Variants in NLRP12 observed in about 807,000 individuals in gnomAD.
NLRP12 encodes the protein NACHT, LRR and PYD domains-containing protein 12.
Under a neutral mutation model 91.2 loss-of-function variants are expected in NLRP12, and 108 were observed. The observed-to-expected ratio is 1.18, with a 90% CI of 1.01 to 1.39. NLRP12 has a LOEUF of 1.39. Ranked by LOEUF, NLRP12 falls within the 40% of genes most tolerant of loss-of-function variation. The probability of loss-of-function intolerance (pLI) is 0.00; values close to 1 mark genes in which losing one functional copy is unlikely to be tolerated. For missense variants in NLRP12, 1,530 were observed against 1,352.7 expected (o/e 1.13, Z -2.06); for synonymous variants, 613 against 566.7 (o/e 1.08, Z -1.16).
At position 53,804,050 on chromosome 19, in the gene NLRP12, C is replaced by A; in HGVS notation, c.2487G>T (p.Leu829=). The A allele has an allele frequency of 6.2e-7, 1 of 1,613,992 alleles. No homozygotes were observed. Among genetic ancestry groups the A allele is most frequent in the Non-Finnish European group, 8.5e-7 (1 of 1,179,902 alleles). ...MASVLGTNPH[L]VELDLTGNAL... ...CATTTCCTGTCAGGTCCAACTCAACCAGATGTGGGTTGGTGCCGAGCACAG... is the reference window on the plus strand; with the variant it reads ...CATTTCCTGTCAGGTCCAACTCAACAAGATGTGGGTTGGTGCCGAGCACAG... Residue 829 remains leucine, a synonymous_variant, in exon 6 of 10, where the codon CTG becomes CTT. Transcript: ENST00000324134.
intron 2 of NLRP12, among the ~76,000 whole-genome samples, chr19:53,813,281 C>CTT (rs34880938): frequency 9.0e-6 from 1 of 111,580 alleles, no homozygotes; most frequent in Admixed American, 9.5e-5. Flanking sequence ...AACTGCTATT[C>CTT]TTTTTTTTTT....
chr19:53,804,717 T>C (rs2091929787), intron 5 of NLRP12, among the ~76,000 whole-genome samples: 1 of 149,268 alleles, frequency 6.7e-6, no homozygotes. Context: ...GGCCCATACC[T>C]GGCTAATTAA....
In NLRP12 at chr19:53,809,844, GGTGGAGCC is replaced by G. The variant is rs775762941; in HGVS notation, c.1807_1814del (p.Gly603ProfsTer98). 6.2e-6 allele frequency: 10 copies of G among 1,614,120 alleles called. No homozygotes were observed. Among genetic ancestry groups the G allele is most frequent in the Admixed American group, 3.3e-5 (2 of 60,008 alleles). On this transcript the variant is annotated frameshift_variant, in exon 3 of 10. Transcript: ENST00000324134. LOFTEE classifies it high-confidence loss of function. ...AGAACTCCAAGGAGCCCTGCTGCAG[GGTGGAGCC>G]GTCGCTCTGAGCTTTGCTTTGGATC... is the stretch of plus-strand genomic sequence containing the variant.
Position 53,803,941 on chromosome 19 carries a change from G to A in NLRP12, c.2585+11C>T, listed in dbSNP as rs555742817. ...GCCATTTTATTATAGTTGACCCCAG[G>A]AAGAACTCACCACAAAGTCCGTAGT... On this transcript the variant is annotated intron_variant, in intron 6 of 9. Coordinates refer to ENST00000324134, the MANE Select transcript of NLRP12 (RefSeq NM_144687.4). 3.1e-6 allele frequency: 5 copies of A among 1,613,126 alleles called. No individual in the cohort carries two copies. Among genetic ancestry groups the A allele is most frequent in the African/African-American group, 1.3e-5 (1 of 74,984 alleles).
At chr19:53,799,218 G>GCCAGGATGGTCT (rs1436509424) in intron 7 of NLRP12, among the ~76,000 whole-genome samples, 4 of 150,402 alleles carry the variant, frequency 2.7e-5, no homozygotes, top group African/African-American at 9.8e-5. Context: ...TCACCAGTTG[G>GCCAGGATGGTCT]CCAGGATGGT....
chr19:53,823,462 A>AAATTATATTTTAAATATATATTTTAAAAT (rs1430328978), intron 1 of NLRP12, among the ~76,000 whole-genome samples: 2 of 103,052 alleles, frequency 1.9e-5, no homozygotes, highest in Non-Finnish European at 3.8e-5. Context: ...ATATATTTTA[A>AAATTATATTTTAAATATATATTTTAAAAT]ATATATATTT....
In NLRP12 at chr19:53,814,371, G is replaced by A. The variant is rs1291231631; in HGVS notation, c.370+537C>T. Among the ~76,000 whole-genome samples, 6 of 151,664 alleles carry A rather than the reference G, an allele frequency of 4.0e-5. No homozygotes were observed. In the South Asian group the frequency reaches 6.3e-4, roughly 16 times the overall value. On this transcript the variant is annotated intron_variant, in intron 2 of 9. Transcript: ENST00000324134. ...CTTCCTTTCTTTGCTTTTTTTTTAA[G>A]AGATGGAGTCTCACTCTGTTGCCCA...
intron 4 of NLRP12, chr19:53,805,729 G>A (rs993122487): frequency 4.4e-5 from 19 of 430,086 alleles, no homozygotes; most frequent in Middle Eastern, 7.2e-4. Flanking sequence ...TGTTGGCCAG[G>A]CTGGTCTTGA....
At position 53,798,431 on chromosome 19, in the gene NLRP12, T is replaced by C; in HGVS notation, c.2757-18A>G. On this transcript the variant is annotated intron_variant, in intron 7 of 9. Transcript: ENST00000324134. ...TGCCCAACCTGCAAAGACAGGATGC[T>C]AGGGCGGAGTGGGAGGCATTCCTCC... The C allele has an allele frequency of 1.2e-6, 2 of 1,611,564 alleles. No individual in the cohort carries two copies. The highest frequency in any genetic ancestry group is 1.1e-5 in the South Asian group (1 of 90,710).
At position 53,795,669 on chromosome 19, in the gene NLRP12, C is replaced by T. The variant is rs1015372211; in HGVS notation, c.3098+190G>A. Among the ~76,000 whole-genome samples the T allele has an allele frequency of 4.6e-5, 7 of 152,146 alleles. No individual in the cohort carries two copies. The East Asian group carries it at 7.7e-4, about 17-fold the overall frequency. On this transcript the variant is annotated intron_variant, in intron 9 of 9. Transcript: ENST00000324134. ...GATTATAGGTGTGAGCCACCGCGCC[C>T]GGCCTCAGACAAGGAAATTATCCAA...
In NLRP12 at chr19:53,812,906, A is replaced by G. The variant is rs1355980649; in HGVS notation, c.371-1618T>C. ...CTTTTTTTTTTTTTTTTTGAGACAG[A>G]GTGTTGCTCTGTCCCCCAGGCTGGA... On this transcript the variant is annotated intron_variant, in intron 2 of 9. Transcript: ENST00000324134. Among the ~76,000 whole-genome samples, 8 of 137,238 alleles carry G rather than the reference A, an allele frequency of 5.8e-5. 1 individual carries two copies. The highest frequency in any genetic ancestry group is 3.1e-4 in the Admixed American group (4 of 12,788). The allele number at this position is 137,238 out of a possible 152,430, so 90.0% of individuals were successfully genotyped here. A position where few individuals can be genotyped will look rare whatever the true frequency, so the allele number is the denominator to read the frequency against.
chr19:53,816,812 G>T (rs2092167059), intron 1 of NLRP12, among the ~76,000 whole-genome samples: 1 of 151,858 alleles, frequency 6.6e-6, no homozygotes, highest in African/African-American at 2.4e-5. Flanking sequence ...AAAGTGCTGG[G>T]ATTACAGGCG....
Position 53,811,179 on chromosome 19 carries a change from G to A in NLRP12, c.480C>T (p.Leu160=). The A allele has an allele frequency of 1.9e-6, 3 of 1,614,114 alleles. No homozygotes were observed. Among genetic ancestry groups the A allele is most frequent in the Non-Finnish European group, 2.5e-6 (3 of 1,180,026 alleles). Residue 160 remains leucine, a synonymous_variant, in exon 3 of 10, where the codon CTC becomes CTT. Coordinates refer to ENST00000324134, the MANE Select transcript of NLRP12 (RefSeq NM_144687.4). The part of the protein sequence containing the change: ...CVNLSHRYTR[L]LLVKEHSNPM... Reference sequence around the variant, plus strand: ...GGTTTGAGTGCTCCTTCACCAGCAGGAGCCGGGTGTACCGGTGGCTGAGGT... The same window carrying A: ...GGTTTGAGTGCTCCTTCACCAGCAGAAGCCGGGTGTACCGGTGGCTGAGGT...
intron 8 of NLRP12, among the ~76,000 whole-genome samples, chr19:53,796,737 C>CGA (rs2091769276): frequency 6.6e-6 from 1 of 151,780 alleles, no homozygotes; most frequent in Non-Finnish European, 1.5e-5. Flanking sequence ...TGGCTCACGC[C>CGA]TGTAATTCCA....
At chr19:53,801,126 T>A in intron 7 of NLRP12, 101 bp downstream of exon 7, 2 of 1,037,258 alleles carry the variant, frequency 1.9e-6, no homozygotes, top group Non-Finnish European at 2.9e-6. Flanking sequence ...ATGTAGTAGC[T>A]AGAGTTTAGG....
At chr19:53,812,848 TA>T (rs1418972454) in intron 2 of NLRP12, among the ~76,000 whole-genome samples, 1 of 151,648 alleles carries the variant, frequency 6.6e-6, no homozygotes, top group Non-Finnish European at 1.5e-5. Context: ...TCTGTGACAC[TA>T]AGTTCACGAT....
In NLRP12 at chr19:53,819,410, AATATATATATAT is replaced by A. The variant is rs754512228; in HGVS notation, c.290-4434_290-4423del. On this transcript the variant is annotated intron_variant, in intron 1 of 9. Transcript: ENST00000324134. ...CAGGCGTGTGCCACTACGCCTGGCT[AATATATATATAT>A]ATATATATATATATATATATATATA... Among the ~76,000 whole-genome samples, 75 of 23,664 alleles carry A rather than the reference AATATATATATAT, an allele frequency of 3.2e-3. 7 individuals carry two copies. The highest frequency in any genetic ancestry group is 6.6e-3 in the African/African-American group (37 of 5,596). 15.5% of individuals were successfully genotyped at this position (23,664 alleles called of 152,430 possible).
chr19:53,814,814 A>G lies in NLRP12; in HGVS notation c.370+94T>C, dbSNP rs998811950. ...ATGGTGTCATTAATCCACCCCACGA[A>G]TTCCTCAATCACGCGTTTGTGGTTG... On this transcript the variant is annotated intron_variant, in intron 2 of 9. Coordinates refer to ENST00000324134, the MANE Select transcript of NLRP12 (RefSeq NM_144687.4). 33 of 977,446 alleles carry G rather than the reference A, an allele frequency of 3.4e-5. No individual in the cohort carries two copies. In the African/African-American group the frequency reaches 4.3e-4, roughly 13 times the overall value. 60.5% of individuals were successfully genotyped at this position (977,446 alleles called of 1,614,324 possible).
intron 1 of NLRP12, among the ~76,000 whole-genome samples, chr19:53,819,488 T>C (rs112491264): frequency 9.2e-6 from 1 of 109,280 alleles, no homozygotes; most frequent in Non-Finnish European, 2.0e-5. Context: ...TGTGTGTATA[T>C]ACATATGTGT....
Sources: allele counts gnomAD v4.1 joint callset (sites outside exome capture counted in the v4.1 genomes callset), GRCh38; gene constraint gnomAD v4.1.1; transcripts MANE v1.5; gene names NCBI Gene and HGNC (gene_info 2026-07-23, HGNC 2026-07-21).